The following NCKAP5 variants were observed in gnomAD, a reference collection of about 807,000 sequenced individuals.
NCKAP5 encodes the protein nck-associated protein 5.
Under a neutral mutation model 167.0 loss-of-function variants are expected in NCKAP5, and 92 were observed. That is an observed-to-expected ratio of 0.55 (90% CI 0.47 to 0.66). The LOEUF is 0.66. NCKAP5 is among the 30% of genes least tolerant of loss of function. The probability of loss-of-function intolerance (pLI) is 0.00; values close to 1 mark genes in which losing one functional copy is unlikely to be tolerated. For synonymous variants in NCKAP5, 891 were observed against 877.4 expected (o/e 1.02, Z -0.27); for missense variants, 2,378 against 2,315.0 (o/e 1.03, Z -0.56).
chr2:133,041,332 A>C (rs2149455452), intron 6 of NCKAP5, among the ~76,000 whole-genome samples: 1 of 152,314 alleles, frequency 6.6e-6, no homozygotes, highest in South Asian at 2.1e-4. Context: ...GAAATCACAA[A>C]GCCAGACACT....
intron 8 of NCKAP5, among the ~76,000 whole-genome samples, chr2:132,940,552 AT>A (rs1187126751): frequency 6.6e-6 from 1 of 152,160 alleles, no homozygotes; most frequent in Non-Finnish European, 1.5e-5. Context: ...AGTAAAAAAA[AT>A]AACTAGCAAC....
chr2:133,523,747 T>C (rs911124610), intron 2 of NCKAP5, among the ~76,000 whole-genome samples: 3 of 152,072 alleles, frequency 2.0e-5, no homozygotes, highest in Admixed American at 1.3e-4. Context: ...AATTCATTGT[T>C]ATATTCCCTG....
chr2:133,483,569 G>T (rs1680643195), intron 3 of NCKAP5, among the ~76,000 whole-genome samples: 1 of 143,936 alleles, frequency 6.9e-6, no homozygotes, highest in Non-Finnish European at 1.5e-5. Flanking sequence ...GGATAATCCA[G>T]AATTTTATTA....
At chr2:133,613,345 T>C in the NCKAP5 span, among the ~76,000 whole-genome samples, 1 of 152,164 alleles carries the variant, frequency 6.6e-6, no homozygotes, top group Admixed American at 6.5e-5. Flanking sequence ...TTATAATTAT[T>C]AAGAAAGATT....
chr2:133,648,802 G>A, the NCKAP5 span, among the ~76,000 whole-genome samples: 1 of 147,424 alleles, frequency 6.8e-6, no homozygotes, highest in Non-Finnish European at 1.5e-5. Context: ...TATTTAAAAA[G>A]AAGAAAAATC....
At chr2:133,080,372 C>A (rs1412164013) in intron 6 of NCKAP5, among the ~76,000 whole-genome samples, 1 of 152,058 alleles carries the variant, frequency 6.6e-6, no homozygotes, top group Non-Finnish European at 1.5e-5. Context: ...CAGTTAGTTA[C>A]CCTAAGGTTA....
At chr2:133,530,301 A>C (rs1685260884) in intron 2 of NCKAP5, among the ~76,000 whole-genome samples, 1 of 151,906 alleles carries the variant, frequency 6.6e-6, no homozygotes, top group Non-Finnish European at 1.5e-5. Flanking sequence ...CCTTGTGCCA[A>C]TATCACACTG....
At chr2:132,790,275 G>T in intron 12 of NCKAP5, 70 bp from the exon 13 acceptor site, 2 of 1,381,252 alleles carry the variant, frequency 1.4e-6, no homozygotes, top group Non-Finnish European at 2.0e-6. Context: ...CAACCTTATG[G>T]TGAGGTAGAT....
At chr2:133,474,091 T>G (rs947715162) in intron 3 of NCKAP5, among the ~76,000 whole-genome samples, 2 of 150,606 alleles carry the variant, frequency 1.3e-5, no homozygotes, top group South Asian at 2.1e-4. Flanking sequence ...TGTCAACAGA[T>G]GAATGGATAA....
chr2:133,570,715 C>T (rs1307706920), upstream of NCKAP5, among the ~76,000 whole-genome samples: 1 of 152,162 alleles, frequency 6.6e-6, no homozygotes, highest in Non-Finnish European at 1.5e-5. Flanking sequence ...GGTTCATTTT[C>T]CTGGCTGCTA....
At chr2:132,927,774 A>G (rs1349203578) in intron 8 of NCKAP5, among the ~76,000 whole-genome samples, 2 of 152,110 alleles carry the variant, frequency 1.3e-5, no homozygotes, top group Non-Finnish European at 1.5e-5. Context: ...TTTTGGAGAC[A>G]TCGTTAGGGT....
At chr2:132,856,669 GA>G (rs1214405871) in intron 11 of NCKAP5, among the ~76,000 whole-genome samples, 1 of 152,130 alleles carries the variant, frequency 6.6e-6, no homozygotes, top group Non-Finnish European at 1.5e-5. Context: ...GTAAAAGACA[GA>G]ACACATAGGA....
chr2:132,715,410 G>C (rs1296023949), intron 19 of NCKAP5, among the ~76,000 whole-genome samples: 1 of 152,052 alleles, frequency 6.6e-6, no homozygotes, highest in Non-Finnish European at 1.5e-5. Context: ...ATGTGCTTTC[G>C]AGCCAAATAT....
At chr2:133,111,663 G>C (rs762156227) in intron 6 of NCKAP5, among the ~76,000 whole-genome samples, 2 of 152,080 alleles carry the variant, frequency 1.3e-5, no homozygotes, top group African/African-American at 4.8e-5. Flanking sequence ...CTGTCATAGC[G>C]GCATAACCCT....
At chr2:133,500,234 T>C (rs1268150674) in intron 3 of NCKAP5, among the ~76,000 whole-genome samples, 1 of 152,194 alleles carries the variant, frequency 6.6e-6, no homozygotes, top group East Asian at 1.9e-4. Flanking sequence ...AATATGAATT[T>C]GAAAAGATGC....
chr2:132,957,675 G>C (rs1347929066), intron 8 of NCKAP5, among the ~76,000 whole-genome samples: 1 of 151,866 alleles, frequency 6.6e-6, no homozygotes, highest in African/African-American at 2.4e-5. Flanking sequence ...CAGAAAGCTA[G>C]ACATAAAACC....
chr2:132,801,937 C>T (rs1158137391), intron 11 of NCKAP5, among the ~76,000 whole-genome samples: 10 of 152,120 alleles, frequency 6.6e-5, no homozygotes. Flanking sequence ...GACTGAGGTG[C>T]ATTTGAGCCT....
At chr2:133,049,927 A>G (rs2079545558) in intron 6 of NCKAP5, among the ~76,000 whole-genome samples, 1 of 152,254 alleles carries the variant, frequency 6.6e-6, no homozygotes, top group Non-Finnish European at 1.5e-5. Context: ...TTCCAAAGGA[A>G]TGGGGACAAA....
intron 3 of NCKAP5, among the ~76,000 whole-genome samples, chr2:133,412,808 A>G (rs1171938383): frequency 1.3e-5 from 2 of 152,226 alleles, no homozygotes; most frequent in East Asian, 3.8e-4. Flanking sequence ...TATTTATTTA[A>G]AAAACCTCTG....
Sources: allele counts gnomAD v4.1 joint callset (sites outside exome capture counted in the v4.1 genomes callset), GRCh38; gene constraint gnomAD v4.1.1; transcripts MANE v1.5; gene names NCBI Gene and HGNC (gene_info 2026-07-23, HGNC 2026-07-21).